The following JARID2 variants were observed in gnomAD, a reference collection of about 807,000 sequenced individuals.
JARID2 encodes protein Jumonji.
JARID2 carries 21 observed loss-of-function variants against 125.6 expected under a neutral mutation model. The ratio of observed to expected loss-of-function variants is 0.17; its 90% CI spans 0.12 to 0.24. The LOEUF (loss-of-function observed/expected upper bound fraction) is 0.24. Ranked by LOEUF, JARID2 falls within the 10% of genes least tolerant of loss-of-function variation. JARID2 has a pLI of 1.00. For missense variants in JARID2, 1,303 were observed against 1,639.6 expected, an observed-to-expected ratio of 0.79 and a Z score of 3.55; for synonymous variants, 736 against 661.6, an observed-to-expected ratio of 1.11 and a Z score of -1.73.
chr6:15,378,295 A>G (rs1342349495), intron 2 of JARID2, among the ~76,000 whole-genome samples: 2 of 151,766 alleles, frequency 1.3e-5, no homozygotes, highest in Non-Finnish European at 2.9e-5. Flanking sequence ...TGTCACAGAA[A>G]TTTGTCTGGT....
chr6:15,249,714 A>G (rs1340263865), intron 1 of JARID2, among the ~76,000 whole-genome samples: 2 of 152,116 alleles, frequency 1.3e-5, no homozygotes, highest in African/African-American at 2.4e-5. Context: ...TTAGTTTATT[A>G]CCTTAGCAAA....
intron 4 of JARID2, among the ~76,000 whole-genome samples, chr6:15,467,056 C>T (rs1368381683): frequency 6.6e-6 from 1 of 152,184 alleles, no homozygotes; most frequent in Non-Finnish European, 1.5e-5. Context: ...ATGTGGTTCA[C>T]ATAATTTGGG....
chr6:15,266,210 T>C (rs1474619483), intron 1 of JARID2, among the ~76,000 whole-genome samples: 1 of 152,210 alleles, frequency 6.6e-6, no homozygotes, highest in African/African-American at 2.4e-5. Flanking sequence ...GTGTTGGTAC[T>C]GATTAAGCAG....
At chr6:15,376,778 A>G (rs1054907080) in intron 2 of JARID2, among the ~76,000 whole-genome samples, 5 of 152,118 alleles carry the variant, frequency 3.3e-5, no homozygotes, top group Admixed American at 2.0e-4. Context: ...GTACTTTCTT[A>G]TTTTGGGGAG....
intron 1 of JARID2, among the ~76,000 whole-genome samples, chr6:15,278,959 GAGGTTGAGGCATGAGAATCTCAAGCTC>G (rs935162772): frequency 3.3e-5 from 5 of 151,960 alleles, no homozygotes; most frequent in African/African-American, 9.7e-5. Flanking sequence ...ATCTCAGCTT[GAGGTTGAGGCATGAGAATCTCAAGCTC>G]AGGTTGAGGC....
chr6:15,469,441 T>C (rs1026061202), intron 5 of JARID2, among the ~76,000 whole-genome samples: 3 of 133,930 alleles, frequency 2.2e-5, no homozygotes, highest in Non-Finnish European at 3.1e-5. Context: ...TTCTTTCCTT[T>C]CTTTCTTTTG....
intron 3 of JARID2, among the ~76,000 whole-genome samples, chr6:15,424,911 C>T (rs1432892774): frequency 6.6e-6 from 1 of 152,208 alleles, no homozygotes; most frequent in East Asian, 1.9e-4. Context: ...ACTTACATAG[C>T]ATTTATGATG....
chr6:15,481,007 G>A (rs770687466), intron 5 of JARID2, among the ~76,000 whole-genome samples: 6 of 152,342 alleles, frequency 3.9e-5, no homozygotes, highest in South Asian at 2.1e-4. Context: ...CTAGGAAAGT[G>A]TATCTCTCTG....
intron 1 of JARID2, among the ~76,000 whole-genome samples, chr6:15,309,355 A>T (rs1392845683): frequency 6.6e-6 from 1 of 152,006 alleles, no homozygotes; most frequent in African/African-American, 2.4e-5. Flanking sequence ...AGTATACATT[A>T]TAAGTAGTGT....
chr6:15,265,921 G>GTT (rs1262381508), intron 1 of JARID2, among the ~76,000 whole-genome samples: 1 of 152,158 alleles, frequency 6.6e-6, no homozygotes, highest in African/African-American at 2.4e-5. Context: ...TGGCTGGTCT[G>GTT]TTACGGTTTT....
intron 5 of JARID2, among the ~76,000 whole-genome samples, chr6:15,473,845 A>G (rs991060209): frequency 6.6e-6 from 1 of 152,172 alleles, no homozygotes; most frequent in Non-Finnish European, 1.5e-5. Flanking sequence ...TTATGACGCC[A>G]GTGGAGGGAA....
rs1324436791 is a variant in JARID2 at position 15,496,140 on chromosome 6, G to A, written c.915G>A (p.Lys305=). The A allele has an allele frequency of 1.2e-6, 2 of 1,610,274 alleles. No homozygotes were observed. The highest frequency in any genetic ancestry group is 1.7e-6 in the Non-Finnish European group (2 of 1,177,400). ...SAQDLRKQVS[K]VNGVTRMSSL... ...CTTCTGCTGCTCCACAGGTTTCTAAGGTAAACGGAGTCACTCGAATGTCAT... is the reference window on the plus strand; with the variant it reads ...CTTCTGCTGCTCCACAGGTTTCTAAAGTAAACGGAGTCACTCGAATGTCAT... Residue 305 remains lysine (K), a synonymous_variant, in exon 7 of 18, where the codon AAG becomes AAA. Coordinates refer to ENST00000341776, the MANE Select transcript of JARID2 (RefSeq NM_004973.4).
rs572480640 is a variant in JARID2 at position 15,283,400 on chromosome 6, G to A, written c.45+36816G>A. ...CTGTGGCTCAGGCTGGAGCACAATA[G>A]CGTGATCGCGGCTTACTGCAAGCTC... On this transcript the variant is annotated intron_variant, in intron 1 of 17. Coordinates refer to ENST00000341776, the MANE Select transcript of JARID2 (RefSeq NM_004973.4). Among the ~76,000 whole-genome samples the A allele has an allele frequency of 1.7e-4, 25 of 145,140 alleles. No homozygotes were observed. The South Asian group carries it at 5.3e-3, about 31-fold the overall frequency.
chr6:15,277,791 A>T (rs1208581479), intron 1 of JARID2, among the ~76,000 whole-genome samples: 1 of 144,678 alleles, frequency 6.9e-6, no homozygotes. Context: ...AAAAAAAAAA[A>T]AAACAGTCAA....
At chr6:15,507,583 T>G (rs1771064265) in intron 11 of JARID2, among the ~76,000 whole-genome samples, 167 bp downstream of exon 11, 1 of 152,154 alleles carries the variant, frequency 6.6e-6, no homozygotes, top group African/African-American at 2.4e-5. Context: ...AGGAGTAACA[T>G]AATGATTGGT....
Position 15,495,817 on chromosome 6 carries a change from A to G in JARID2, c.907-315A>G, listed in dbSNP as rs116246842. Reference sequence around the variant, plus strand: ...GGAGGTCTTCATTGTGAAACACCAAATTTCCTGGAAGAGCAATGGGAACGT... The same window carrying G: ...GGAGGTCTTCATTGTGAAACACCAAGTTTCCTGGAAGAGCAATGGGAACGT... On this transcript the variant is annotated intron_variant, in intron 6 of 17. Coordinates refer to ENST00000341776, the MANE Select transcript of JARID2 (RefSeq NM_004973.4). Among the ~76,000 whole-genome samples the G allele has an allele frequency of 6.9e-3, 1,046 of 152,216 alleles. 16 individuals are homozygous for G. Among genetic ancestry groups the G allele is most frequent in the South Asian group, 0.019 (93 of 4,816 alleles).
intron 1 of JARID2, among the ~76,000 whole-genome samples, chr6:15,271,559 C>A (rs554310194): frequency 2.0e-5 from 3 of 152,224 alleles, no homozygotes; most frequent in Admixed American, 1.3e-4. Context: ...CCTGTAATCT[C>A]ATCACTTTGG....
At chr6:15,300,945 T>C (rs1162872880) in intron 1 of JARID2, among the ~76,000 whole-genome samples, 3 of 152,076 alleles carry the variant, frequency 2.0e-5, no homozygotes, top group Admixed American at 6.6e-5. Flanking sequence ...GTGGTAGTTA[T>C]CAATGAGTGA....
intron 1 of JARID2, among the ~76,000 whole-genome samples, chr6:15,348,272 A>C (rs1269944758): frequency 6.6e-6 from 1 of 151,862 alleles, no homozygotes; most frequent in African/African-American, 2.4e-5. Context: ...TTATATTTTT[A>C]GTAGAGATGG....
Sources: allele counts gnomAD v4.1 joint callset (sites outside exome capture counted in the v4.1 genomes callset), GRCh38; gene constraint gnomAD v4.1.1; transcripts MANE v1.5; gene names NCBI Gene and HGNC (gene_info 2026-07-23, HGNC 2026-07-21).